Variants in PDZRN3 observed in about 807,000 individuals in gnomAD.
PDZRN3 encodes the protein PDZ domain containing ring finger 3.
In PDZRN3, 38 loss-of-function variants were observed where a neutral mutation model predicts 85.7. The observed-to-expected ratio is 0.44, with a 90% CI of 0.34 to 0.58. The LOEUF (loss-of-function observed/expected upper bound fraction) is 0.58. Among genes scored for constraint, PDZRN3 ranks in the 20% least tolerant of loss-of-function variants. PDZRN3 has a pLI of 0.01. For missense variants in PDZRN3, 1,629 were observed against 1,506.4 expected (o/e 1.08, Z -1.35); for synonymous variants, 759 against 638.0 (o/e 1.19, Z -2.86).
chr3:73,433,161 C>G (rs189811095), intron 3 of PDZRN3, among the ~76,000 whole-genome samples: 1 of 152,292 alleles, frequency 6.6e-6, no homozygotes, highest in East Asian at 1.9e-4. Flanking sequence ...CCAATTTGAA[C>G]CATATGTCCC....
At chr3:73,447,595 C>T (rs1446481274) in intron 3 of PDZRN3, among the ~76,000 whole-genome samples, 1 of 152,220 alleles carries the variant, frequency 6.6e-6, no homozygotes, top group Non-Finnish European at 1.5e-5. Context: ...AATGACCTCC[C>T]AATTGCCGCA....
chr3:73,578,768 C>T (rs1443102584), intron 3 of PDZRN3, among the ~76,000 whole-genome samples: 1 of 152,008 alleles, frequency 6.6e-6, no homozygotes, highest in East Asian at 1.9e-4. Flanking sequence ...GAACCTGCCC[C>T]CCTTTCTGCT....
chr3:73,480,275 C>T (rs1296989338), intron 3 of PDZRN3, among the ~76,000 whole-genome samples: 1 of 152,198 alleles, frequency 6.6e-6, no homozygotes, highest in East Asian at 1.9e-4. Context: ...ATTCAAACCT[C>T]TCAGAGGTTA....
chr3:73,483,754 G>A (rs910027254), intron 3 of PDZRN3, among the ~76,000 whole-genome samples: 15 of 152,156 alleles, frequency 9.9e-5, no homozygotes, highest in African/African-American at 2.7e-4. Flanking sequence ...ATGCAAAGGC[G>A]TGGCAGCAGA....
At chr3:73,539,521 A>C (rs1472600635) in intron 3 of PDZRN3, among the ~76,000 whole-genome samples, 1 of 152,146 alleles carries the variant, frequency 6.6e-6, no homozygotes, top group African/African-American at 2.4e-5. Context: ...AAGACCAGAC[A>C]GCATCCACTC....
chr3:73,528,301 G>C (rs1227846047), intron 3 of PDZRN3, among the ~76,000 whole-genome samples: 1 of 152,206 alleles, frequency 6.6e-6, no homozygotes, highest in Non-Finnish European at 1.5e-5. Context: ...AAGGCCAGGG[G>C]AAGCTTCCTA....
At chr3:73,607,388 C>G (rs1243235712) in intron 2 of PDZRN3, among the ~76,000 whole-genome samples, 1 of 152,164 alleles carries the variant, frequency 6.6e-6, no homozygotes, top group East Asian at 1.9e-4. Context: ...GAACTCAGCT[C>G]CAACGGCCCC....
intron 3 of PDZRN3, among the ~76,000 whole-genome samples, chr3:73,562,302 G>C (rs183580039): frequency 6.6e-6 from 1 of 152,164 alleles, no homozygotes; most frequent in Admixed American, 6.5e-5. Context: ...AAATCTAGTA[G>C]GTAAGTGTAA....
chr3:73,493,723 T>C (rs981122173), intron 3 of PDZRN3, among the ~76,000 whole-genome samples: 11 of 152,206 alleles, frequency 7.2e-5, no homozygotes, highest in African/African-American at 2.4e-4. Context: ...AAGAGGTGCC[T>C]CAGGCCTGGC....
At chr3:73,532,249 C>G (rs578094507) in intron 3 of PDZRN3, among the ~76,000 whole-genome samples, 2 of 152,158 alleles carry the variant, frequency 1.3e-5, no homozygotes, top group Non-Finnish European at 2.9e-5. Context: ...GATCCACCCA[C>G]CTCGGCCTCC....
Position 73,537,745 on chromosome 3 carries a change from A to T in PDZRN3, c.918+64609T>A, listed in dbSNP as rs573476678. ...AGCGATTCTTCTACCTCAGCCTCTC[A>T]AGTAGCAGGGATTACAGGCCTGCGC... is the stretch of plus-strand genomic sequence containing the variant. On this transcript the variant is annotated intron_variant, in intron 3 of 9. Transcript: ENST00000263666. Among the ~76,000 whole-genome samples the T allele has an allele frequency of 1.5e-4, 22 of 151,392 alleles. No homozygotes were observed. The South Asian group carries it at 4.4e-3, about 30-fold the overall frequency.
chr3:73,501,253 T>A (rs1298682942), intron 3 of PDZRN3, among the ~76,000 whole-genome samples: 1 of 152,280 alleles, frequency 6.6e-6, no homozygotes, highest in Admixed American at 6.5e-5. Flanking sequence ...TAAAATCACA[T>A]CCACTCCTCA....
intron 7 of PDZRN3, chr3:73,388,285 A>G: frequency 2.4e-6 from 1 of 415,636 alleles, no homozygotes. Context: ...AGCCTCCATG[A>G]GTATAGTTCA....
At chr3:73,543,923 G>C (rs1370402188) in intron 3 of PDZRN3, among the ~76,000 whole-genome samples, 1 of 152,172 alleles carries the variant, frequency 6.6e-6, no homozygotes, top group South Asian at 2.1e-4. Context: ...CATGTATAAA[G>C]AACTAATTTA....
intron 3 of PDZRN3, among the ~76,000 whole-genome samples, chr3:73,538,581 T>C (rs930729474): frequency 6.6e-6 from 1 of 152,244 alleles, no homozygotes; most frequent in African/African-American, 2.4e-5. Context: ...TGTCGAGCTC[T>C]TTCTTTTGTG....
rs201694803 is a variant in PDZRN3 at position 73,449,968 on chromosome 3, GCACACGC to G, written c.919-45580_919-45574del. The stretch of plus-strand genomic sequence containing the variant: ...ACTCCCAACCACCAACAGCTGGGCA[GCACACGC>G]CATAGGTACCTCCTCTGGAGGACGA... On this transcript the variant is annotated intron_variant, in intron 3 of 9. Coordinates refer to ENST00000263666, the MANE Select transcript of PDZRN3 (RefSeq NM_015009.3). 1.1e-3 allele frequency among the ~76,000 whole-genome samples: 174 copies of G among 152,294 alleles called. 4 individuals are homozygous for G. In the East Asian group the frequency reaches 0.028, roughly 25 times the overall value.
intron 2 of PDZRN3, among the ~76,000 whole-genome samples, chr3:73,604,803 TA>T (rs1477928145): frequency 3.3e-5 from 5 of 152,196 alleles, no homozygotes; most frequent in South Asian, 2.1e-4. Context: ...ACATTGCACA[TA>T]AGTAATAACT....
At chr3:73,432,377 G>A (rs2106802524) in intron 3 of PDZRN3, among the ~76,000 whole-genome samples, 1 of 152,316 alleles carries the variant, frequency 6.6e-6, no homozygotes, top group Non-Finnish European at 1.5e-5. Context: ...TGAAGTCACA[G>A]GTCGGAAATG....
intron 1 of PDZRN3, among the ~76,000 whole-genome samples, chr3:73,617,285 A>T (rs1456985756): frequency 6.6e-6 from 1 of 152,206 alleles, no homozygotes; most frequent in Non-Finnish European, 1.5e-5. Flanking sequence ...AGTGAGAAAG[A>T]TGGCTGCTCA....
Sources: allele counts gnomAD v4.1 joint callset (sites outside exome capture counted in the v4.1 genomes callset), GRCh38; gene constraint gnomAD v4.1.1; transcripts MANE v1.5; gene names NCBI Gene and HGNC (gene_info 2026-07-23, HGNC 2026-07-21).